The following TLX1 variants were observed in gnomAD, a reference collection of about 807,000 sequenced individuals.
The protein encoded by TLX1 is T cell leukemia homeobox 1, also known as T-cell leukemia homeobox protein 1.
TLX1 carries 6 observed loss-of-function variants against 26.5 expected under a neutral mutation model. That is an observed-to-expected ratio of 0.23 (90% confidence interval 0.12 to 0.45). TLX1 has a LOEUF of 0.45. Among genes scored for constraint, TLX1 ranks in the 20% least tolerant of loss-of-function variants. The pLI is 0.99. For missense variants in TLX1, 418 were observed against 482.6 expected, an observed-to-expected ratio of 0.87 and a Z score of 1.25; for synonymous variants, 217 against 219.7, an observed-to-expected ratio of 0.99 and a Z score of 0.11.
Position 101,131,430 on chromosome 10 carries a change from A to G in TLX1, c.-112A>G. On this transcript the variant is annotated 5_prime_UTR_variant, in exon 1 of 3. Coordinates refer to ENST00000370196, the MANE Select transcript of TLX1 (RefSeq NM_005521.4). ...TAGCCTTTCTGCGCACTTCGCTTCC[A>G]AGTCTCCGCGCAGCCAGGAGCCGCT... 1 of 833,556 alleles carries G rather than the reference A, an allele frequency of 1.2e-6. No homozygotes were observed. The highest frequency in any genetic ancestry group is 1.7e-6 in the Non-Finnish European group (1 of 601,470). 51.6% of individuals were successfully genotyped at this position (833,556 alleles called of 1,614,324 possible).
Position 101,136,892 on chromosome 10 carries a change from G to A in TLX1, c.972G>A (p.Ser324=), listed in dbSNP as rs777560887. 27 of 1,613,510 alleles carry A rather than the reference G, an allele frequency of 1.7e-5. No individual in the cohort carries two copies. Among genetic ancestry groups the A allele is most frequent in the Non-Finnish European group, 2.0e-5 (24 of 1,179,998 alleles). Residue 324 remains serine (S), a synonymous_variant, in exon 3 of 3, where the codon TCG becomes TCA. Transcript: ENST00000370196. ...DDSTKITSVT[S]VASACE Reference sequence around the variant, plus strand: ...CGACCAAAATCACTAGCGTCACGTCGGTGGCGTCGGCCTGCGAGTGAGCCT... The same window carrying A: ...CGACCAAAATCACTAGCGTCACGTCAGTGGCGTCGGCCTGCGAGTGAGCCT...
chr10:101,136,639 CG>C (rs1940299812), intron 2 of TLX1, 51 bp from the exon 3 acceptor site: 1 of 1,612,066 alleles, frequency 6.2e-7, no homozygotes, highest in African/African-American at 1.3e-5. Context: ...GTTGGGCACA[CG>C]CGGGAGCTGG....
rs927346231 is a variant in TLX1 at position 101,134,443 on chromosome 10, C to G, written c.770+67C>G. The G allele has an allele frequency of 3.2e-5, 45 of 1,422,566 alleles. No homozygotes were observed. The African/African-American group carries it at 5.8e-4, about 18-fold the overall frequency. The allele number at this position is 1,422,566 out of a possible 1,614,324, so 88.1% of individuals were successfully genotyped here. A position where few individuals can be genotyped will look rare whatever the true frequency, so the allele number is the denominator to read the frequency against. Reference sequence around the variant, plus strand: ...TCTCAGGCAGCTCTCGGTTCATTGGCCTCTCGTGGGGCGCACATACTTTTT... The same window carrying G: ...TCTCAGGCAGCTCTCGGTTCATTGGGCTCTCGTGGGGCGCACATACTTTTT... On this transcript the variant is annotated intron_variant, in intron 2 of 2. Transcript: ENST00000370196.
rs751660685 is a variant in TLX1, at chr10:101,136,895, G to A, written c.975G>A (p.Val325=). 33 of 1,613,530 alleles carry A rather than the reference G, an allele frequency of 2.0e-5. No homozygotes were observed. Among genetic ancestry groups the A allele is most frequent in the Non-Finnish European group, 7.6e-6 (9 of 1,180,018 alleles). ...CCAAAATCACTAGCGTCACGTCGGT[G>A]GCGTCGGCCTGCGAGTGAGCCTGCC... ...DSTKITSVTS[V]ASACE Residue 325 remains valine, a synonymous_variant, in exon 3 of 3, where the codon GTG becomes GTA. Coordinates refer to ENST00000370196, the MANE Select transcript of TLX1 (RefSeq NM_005521.4).
Position 101,132,101 on chromosome 10 carries a change from G to T in TLX1, c.560G>T (p.Arg187Met). The T allele has an allele frequency of 2.2e-6, 3 of 1,394,244 alleles. No homozygotes were observed. The highest frequency in any genetic ancestry group is 2.8e-6 in the Non-Finnish European group (3 of 1,073,840). The allele number at this position is 1,394,244 out of a possible 1,614,324, so 86.4% of individuals were successfully genotyped here. Reference protein sequence around the residue: ...MESNRRYTKDRFTGHPYQNRT... With the variant: ...MESNRRYTKDMFTGHPYQNRT... ...AGTAACCGCAGATACACAAAGGACA[G>T]GTTCACAGGTGAGTCCGGCCCGCGC... Residue 187 changes from arginine to methionine, a missense_variant, in exon 1 of 3, where the codon AGG becomes ATG. Arg to Met is a moderately conservative substitution (Grantham distance 91). Around this residue, in one of 3 missense-constraint regions of TLX1, gnomAD observed 322 missense variants for 344.6 expected, o/e 0.93. Transcript: ENST00000370196. The surrounding 1 kb of genome is among the most constrained non-coding windows in gnomAD (Gnocchi z 4.1).
At chr10:101,136,549 T>G in intron 2 of TLX1, 142 bp from the exon 3 acceptor site, 2 of 1,392,262 alleles carry the variant, frequency 1.4e-6, no homozygotes, top group Non-Finnish European at 2.0e-6. Context: ...AGGGAACGCG[T>G]TATAGGGGCC....
chr10:101,134,829 G>A (rs2742029), intron 2 of TLX1, among the ~76,000 whole-genome samples: 1 of 152,248 alleles, frequency 6.6e-6, no homozygotes, highest in Non-Finnish European at 1.5e-5. Flanking sequence ...TCCCGGCAGA[G>A]GGTCTGTGGC....
rs568740198 is a variant in TLX1 at position 101,137,445 on chromosome 10, C to T, written c.*532C>T. ...CACAGTGTTTACACTTTGGACCTTACGATCAGGCACAGGTCAGGGGTGACA... is the reference window on the plus strand; with the variant it reads ...CACAGTGTTTACACTTTGGACCTTATGATCAGGCACAGGTCAGGGGTGACA... On this transcript the variant is annotated 3_prime_UTR_variant, in exon 3 of 3. Coordinates refer to ENST00000370196, the MANE Select transcript of TLX1 (RefSeq NM_005521.4). 85 of 246,168 alleles carry T rather than the reference C, an allele frequency of 3.5e-4. No individual in the cohort carries two copies. Among genetic ancestry groups the T allele is most frequent in the Non-Finnish European group, 5.7e-4 (71 of 125,528 alleles). The allele number at this position is 246,168 out of a possible 1,614,324, so 15.2% of individuals were successfully genotyped here.
At position 101,137,530 on chromosome 10, in the gene TLX1, C is replaced by T; in HGVS notation, c.*617C>T. ...GCACAAACACAAGGTCATGGCCACA[C>T]TGTGACACACTACACCACACACAAC... On this transcript the variant is annotated 3_prime_UTR_variant, in exon 3 of 3. Coordinates refer to ENST00000370196, the MANE Select transcript of TLX1 (RefSeq NM_005521.4). 4.2e-6 allele frequency: 1 copy of T among 236,598 alleles called. No homozygotes were observed. The highest frequency in any genetic ancestry group is 8.3e-6 in the Non-Finnish European group (1 of 120,270). The allele number at this position is 236,598 out of a possible 1,614,324, so 14.7% of individuals were successfully genotyped here.
At chr10:101,134,074 T>C in intron 1 of TLX1, 101 bp from the exon 2 acceptor site, 1 of 1,156,846 alleles carries the variant, frequency 8.6e-7, no homozygotes, top group Admixed American at 2.6e-5. Flanking sequence ...CGCGGGGTGT[T>C]GGGCCTGGGA....
intron 2 of TLX1, among the ~76,000 whole-genome samples, chr10:101,134,624 G>C (rs1293727811): frequency 1.3e-5 from 2 of 152,254 alleles, no homozygotes; most frequent in Non-Finnish European, 2.9e-5. Context: ...ACTCTCTGCC[G>C]GTGTAGACGC....
rs1046805140 is a variant in TLX1 at position 101,131,481 on chromosome 10, C to A, written c.-61C>A. ...GTTGCCTCCCAGCCCCTGCTAGCTG[C>A]CCCCCGAGCCGAGCGCAGCGAGCGC... On this transcript the variant is annotated 5_prime_UTR_variant, in exon 1 of 3. Coordinates refer to ENST00000370196, the MANE Select transcript of TLX1 (RefSeq NM_005521.4). 2 of 1,322,260 alleles carry A rather than the reference C, an allele frequency of 1.5e-6. No individual in the cohort carries two copies. Among genetic ancestry groups the A allele is most frequent in the Non-Finnish European group, 2.0e-6 (2 of 1,023,926 alleles). The allele number at this position is 1,322,260 out of a possible 1,614,324, so 81.9% of individuals were successfully genotyped here.
rs538775035 is a variant in TLX1 at position 101,135,090 on chromosome 10, A to G, written c.770+714A>G. Among the ~76,000 whole-genome samples, 9 of 152,330 alleles carry G rather than the reference A, an allele frequency of 5.9e-5. No individual in the cohort carries two copies. In the East Asian group the frequency reaches 1.5e-3, roughly 26 times the overall value. Reference sequence around the variant, plus strand: ...GTTTTGTTTTTTCACATTTACGCTCACGGACGTGAAGCGTCCCCAACACTC... The same window carrying G: ...GTTTTGTTTTTTCACATTTACGCTCGCGGACGTGAAGCGTCCCCAACACTC... On this transcript the variant is annotated intron_variant, in intron 2 of 2. Coordinates refer to ENST00000370196, the MANE Select transcript of TLX1 (RefSeq NM_005521.4).
At position 101,137,082 on chromosome 10, in the gene TLX1, C is replaced by T. The variant is rs1289079978; in HGVS notation, c.*169C>T. The T allele has an allele frequency of 6.8e-6, 6 of 887,818 alleles. No homozygotes were observed. Among genetic ancestry groups the T allele is most frequent in the Admixed American group, 5.7e-5 (2 of 34,954 alleles). The allele number at this position is 887,818 out of a possible 1,614,324, so 55.0% of individuals were successfully genotyped here. ...ATTTGTGCCGACACTGTTCTCCCTT[C>T]GGTGGAAGAGCTCAAGGGACAAGGA... On this transcript the variant is annotated 3_prime_UTR_variant, in exon 3 of 3. Transcript: ENST00000370196.
At chr10:101,133,497 T>C (rs997434234) in intron 1 of TLX1, among the ~76,000 whole-genome samples, 2 of 152,104 alleles carry the variant, frequency 1.3e-5, no homozygotes, top group East Asian at 3.9e-4. Flanking sequence ...GCCAGGCCAG[T>C]CTTGAAGGGC....
chr10:101,137,440 C>A lies in TLX1; in HGVS notation c.*527C>A, dbSNP rs1006528447. 7 of 248,662 alleles carry A rather than the reference C, an allele frequency of 2.8e-5. No individual in the cohort carries two copies. The highest frequency in any genetic ancestry group is 5.5e-5 in the Non-Finnish European group (7 of 127,004). The allele number at this position is 248,662 out of a possible 1,614,324, so 15.4% of individuals were successfully genotyped here. On this transcript the variant is annotated 3_prime_UTR_variant, in exon 3 of 3. Transcript: ENST00000370196. The stretch of plus-strand genomic sequence containing the variant: ...AGGGTCACAGTGTTTACACTTTGGA[C>A]CTTACGATCAGGCACAGGTCAGGGG...
Position 101,132,000 on chromosome 10 carries a change from C to A in TLX1, c.459C>A (p.Gly153=). ...CCCACCCCCAGCCCCTGGCCACCGG[C>A]TTGCCCACCGTGCCCTCTGTGCCTG... ...AVAHPQPLAT[G]LPTVPSVPAM... is the part of the protein sequence containing the mutation. Residue 153 remains glycine, a synonymous_variant, in exon 1 of 3, where the codon GGC becomes GGA. Transcript: ENST00000370196. 1.3e-6 allele frequency: 2 copies of A among 1,525,916 alleles called. No homozygotes were observed. Among genetic ancestry groups the A allele is most frequent in the Non-Finnish European group, 1.7e-6 (2 of 1,145,720 alleles). 94.5% of individuals were successfully genotyped at this position (1,525,916 alleles called of 1,614,324 possible).
chr10:101,136,918 G>A lies in TLX1; in HGVS notation c.*5G>A, dbSNP rs201964898. The stretch of plus-strand genomic sequence containing the variant: ...GTGGCGTCGGCCTGCGAGTGAGCCT[G>A]CCCATTCTGCCCTGTGGGACCCCAG... On this transcript the variant is annotated 3_prime_UTR_variant, in exon 3 of 3. Coordinates refer to ENST00000370196, the MANE Select transcript of TLX1 (RefSeq NM_005521.4). The A allele has an allele frequency of 7.2e-5, 116 of 1,612,896 alleles. No individual in the cohort carries two copies. The East Asian group carries it at 1.1e-3, about 15-fold the overall frequency.
Position 101,132,052 on chromosome 10 carries a change from G to T in TLX1, c.511G>T (p.Gly171Cys). 6.7e-7 allele frequency: 1 copy of T among 1,498,480 alleles called. No homozygotes were observed. Among genetic ancestry groups the T allele is most frequent in the East Asian group, 2.7e-5 (1 of 37,194 alleles). 92.8% of individuals were successfully genotyped at this position (1,498,480 alleles called of 1,614,324 possible). A position where few individuals can be genotyped will look rare whatever the true frequency, so the allele number is the denominator to read the frequency against. ...CATGCCGGGCGTCAACAACCTCACT[G>T]GCCTCACCTTCCCCTGGATGGAGAG... ...PAMPGVNNLT[G>C]LTFPWMESNR... Residue 171 changes from glycine (G) to cysteine (C), a missense_variant, in exon 1 of 3, where the codon GGC (glycine) becomes TGC (cysteine). By Grantham distance (159) the Gly-to-Cys change is radical (BLOSUM62 -3). Around this residue, in one of 3 missense-constraint regions of TLX1, gnomAD observed 322 missense variants for 344.6 expected, o/e 0.93. Transcript: ENST00000370196. This position sits in a 1 kb window ranked among gnomAD's most constrained non-coding sequence, Gnocchi z 4.1.
Sources: allele counts gnomAD v4.1 joint callset (sites outside exome capture counted in the v4.1 genomes callset), GRCh38; gene constraint gnomAD v4.1.1; regional missense constraint gnomAD v4.1.1; non-coding constraint Gnocchi (gnomAD v3.1); transcripts MANE v1.5; gene names NCBI Gene and HGNC (gene_info 2026-07-23, HGNC 2026-07-21).